YTHDF2: variants seen among roughly 807,000 people sequenced by gnomAD.
YTHDF2 encodes YTH domain-containing family protein 2.
Under a neutral mutation model 50.4 loss-of-function variants are expected in YTHDF2, and 2 were observed. The observed-to-expected ratio is 0.04, with a 90% CI of 0.02 to 0.12. The LOEUF (loss-of-function observed/expected upper bound fraction) is 0.12. Ranked by LOEUF, YTHDF2 falls within the 10% of genes least tolerant of loss-of-function variation. The pLI is 1.00. For synonymous variants in YTHDF2, 217 were observed against 255.6 expected (o/e 0.85, Z 1.44); for missense variants, 483 against 722.6 (o/e 0.67, Z 3.80).
chr1:28,759,337 T>C (rs2088080871), intron 4 of YTHDF2, among the ~76,000 whole-genome samples: 1 of 152,180 alleles, frequency 6.6e-6, no homozygotes, highest in South Asian at 2.1e-4. Flanking sequence ...TGGAAAATCC[T>C]CTGAGCCTAA....
At chr1:28,759,812 C>T (rs963035768) in intron 4 of YTHDF2, among the ~76,000 whole-genome samples, 6 of 151,918 alleles carry the variant, frequency 3.9e-5, no homozygotes, top group African/African-American at 7.3e-5. Context: ...AAAACCTAGC[C>T]GGGCGTGGTG....
chr1:28,755,238 A>G (rs2088019364), intron 4 of YTHDF2, among the ~76,000 whole-genome samples: 1 of 152,192 alleles, frequency 6.6e-6, no homozygotes, highest in Non-Finnish European at 1.5e-5. Flanking sequence ...GCCAGGTGAT[A>G]GTAGGCAGCT....
chr1:28,765,693 G>A (rs956065360), intron 4 of YTHDF2, among the ~76,000 whole-genome samples: 2 of 151,998 alleles, frequency 1.3e-5, no homozygotes, highest in East Asian at 1.9e-4. Flanking sequence ...CCTCAAGCAC[G>A]TCCCCTGCCT....
At chr1:28,757,737 AAAG>A (rs2088055412) in intron 4 of YTHDF2, among the ~76,000 whole-genome samples, 1 of 132,182 alleles carries the variant, frequency 7.6e-6, no homozygotes, top group Non-Finnish European at 1.5e-5. Context: ...GTAGAAAACA[AAAG>A]AAATCACCTG....
chr1:28,738,386 C>T (rs770998483), intron 3 of YTHDF2, 48 bp downstream of exon 3: 35 of 1,380,514 alleles, frequency 2.5e-5, no homozygotes, highest in African/African-American at 2.0e-4. Context: ...GTGGTATATT[C>T]TTTCTCCGCC....
intron 4 of YTHDF2, among the ~76,000 whole-genome samples, chr1:28,762,648 G>A (rs1570479978): frequency 6.6e-6 from 1 of 152,236 alleles, no homozygotes; most frequent in East Asian, 1.9e-4. Context: ...GAAGGGAGAG[G>A]GAGGGATAGA....
At chr1:28,749,297 T>A (rs903972730) in intron 4 of YTHDF2, among the ~76,000 whole-genome samples, 5 of 150,756 alleles carry the variant, frequency 3.3e-5, no homozygotes, top group African/African-American at 1.2e-4. Context: ...GTTCACGCCA[T>A]TCTCCTGCCT....
At chr1:28,737,888 TG>T in intron 2 of YTHDF2, 1 of 589,026 alleles carries the variant, frequency 1.7e-6, no homozygotes, top group Non-Finnish European at 3.0e-6. Context: ...TCATTAAGGG[TG>T]GGGGTGGATT....
chr1:28,744,075 C>G, intron 4 of YTHDF2, 89 bp downstream of exon 4: 1 of 1,349,308 alleles, frequency 7.4e-7, no homozygotes, highest in African/African-American at 1.5e-5. Flanking sequence ...TTAATAAAAA[C>G]TCTGTAAATG....
At chr1:28,760,789 A>G (rs1315410513) in intron 4 of YTHDF2, among the ~76,000 whole-genome samples, 4 of 152,052 alleles carry the variant, frequency 2.6e-5, no homozygotes, top group Admixed American at 1.3e-4. Context: ...CATGTTGGCC[A>G]TGCTGGTCTC....
At position 28,738,240 on chromosome 1, in the gene YTHDF2, TG is replaced by T; in HGVS notation, c.53-18del. On this transcript the variant is annotated intron_variant, in intron 2 of 4. Coordinates refer to ENST00000373812, the MANE Select transcript of YTHDF2 (RefSeq NM_016258.3). ...ATTGTAGGATTGGGACACTCCTAAT[TG>T]AATTTTTTTTTCTTTAGTACAAAAT... The T allele has an allele frequency of 6.2e-7, 1 of 1,602,276 alleles. No homozygotes were observed. The highest frequency in any genetic ancestry group is 1.1e-5 in the South Asian group (1 of 90,804).
rs143068855 is a variant in YTHDF2, at chr1:28,766,061, C to T, written c.1717-2868C>T. 6.5e-3 allele frequency among the ~76,000 whole-genome samples: 985 copies of T among 152,250 alleles called. 11 individuals carry two copies. The highest frequency in any genetic ancestry group is 0.023 in the African/African-American group (943 of 41,522). ...TTTTTGTGGTCCAAGTTCTAGTCCACGAACATTTGGAGACCGTGGTTTCAT... is the reference window on the plus strand; with the variant it reads ...TTTTTGTGGTCCAAGTTCTAGTCCATGAACATTTGGAGACCGTGGTTTCAT... On this transcript the variant is annotated intron_variant, in intron 4 of 4. Transcript: ENST00000373812.
At chr1:28,761,126 TGTG>T (rs1362442723) in intron 4 of YTHDF2, among the ~76,000 whole-genome samples, 49 of 116,584 alleles carry the variant, frequency 4.2e-4, no homozygotes, top group African/African-American at 1.4e-3. Context: ...TGTGTGTGTG[TGTG>T]TATTTTTTTT....
At chr1:28,753,921 G>A (rs557374029) in intron 4 of YTHDF2, among the ~76,000 whole-genome samples, 4 of 152,062 alleles carry the variant, frequency 2.6e-5, no homozygotes, top group African/African-American at 9.6e-5. Flanking sequence ...TGGCTAGGCT[G>A]GTCTCAAACT....
At chr1:28,765,570 C>T (rs1271645832) in intron 4 of YTHDF2, among the ~76,000 whole-genome samples, 1 of 152,018 alleles carries the variant, frequency 6.6e-6, no homozygotes, top group African/African-American at 2.4e-5. Context: ...ATCCAAGTAG[C>T]TAGGATTACA....
intron 4 of YTHDF2, among the ~76,000 whole-genome samples, chr1:28,754,984 A>G (rs867695247): frequency 0.015 from 1,862 of 127,416 alleles, 35 homozygotes; most frequent in African/African-American, 0.05. Flanking sequence ...AAAAAAAAAA[A>G]GGGGTGGGAG....
chr1:28,750,360 G>T (rs10915195), intron 4 of YTHDF2, among the ~76,000 whole-genome samples: 7,236 of 152,168 alleles, frequency 0.048, 457 homozygotes, highest in African/African-American at 0.15. Flanking sequence ...GTTATATGGA[G>T]AAATATTTTT....
rs140285392 is a variant in YTHDF2 at position 28,766,433 on chromosome 1, C to T, written c.1717-2496C>T. On this transcript the variant is annotated intron_variant, in intron 4 of 4. Coordinates refer to ENST00000373812, the MANE Select transcript of YTHDF2 (RefSeq NM_016258.3). ...CGCCCAGCCCTCCTAAGTCTGTCTT[C>T]ACTGGTTTCAAGTCTGTCTTCACTG... Among the ~76,000 whole-genome samples, 647 of 152,190 alleles carry T rather than the reference C, an allele frequency of 4.3e-3. 2 individuals are homozygous for T. Among genetic ancestry groups the T allele is most frequent in the South Asian group, 0.012 (60 of 4,818 alleles).
At chr1:28,740,601 A>C (rs992353852) in intron 3 of YTHDF2, among the ~76,000 whole-genome samples, 2 of 152,184 alleles carry the variant, frequency 1.3e-5, no homozygotes, top group Non-Finnish European at 2.9e-5. Flanking sequence ...TTTCTTATAT[A>C]TGTGGATTTG....
Sources: gnomAD v4.1 joint callset for allele counts (sites outside exome capture counted in the v4.1 genomes callset) on GRCh38, gnomAD v4.1.1 for gene constraint, MANE v1.5 for transcripts, NCBI Gene and HGNC (gene_info 2026-07-23, HGNC 2026-07-21) for gene names.